The following POLR3E variants were observed in gnomAD, a reference collection of about 807,000 sequenced individuals.
POLR3E encodes the protein RNA polymerase III subunit E.
A neutral mutation model predicts 96.6 loss-of-function variants in POLR3E; 41 were observed. That is an observed-to-expected ratio of 0.42 (90% CI 0.33 to 0.55). POLR3E has a LOEUF of 0.55. Among genes scored for constraint, POLR3E ranks in the 20% least tolerant of loss-of-function variants. The pLI, the probability that POLR3E is intolerant of heterozygous loss-of-function variation, is 0.06. For synonymous variants in POLR3E, 396 were observed against 383.6 expected (o/e 1.03, Z -0.38); for missense variants, 849 against 952.1 (o/e 0.89, Z 1.43).
chr16:22,314,257 G>A, intron 8 of POLR3E, 129 bp downstream of exon 8: 2 of 734,530 alleles, frequency 2.7e-6, no homozygotes, highest in Non-Finnish European at 4.8e-6. Context: ...CTTCTTGCTG[G>A]GCTACCTGGA....
chr16:22,309,550 T>C lies in POLR3E; in HGVS notation c.364+40T>C, dbSNP rs539186177. On this transcript the variant is annotated intron_variant, in intron 6 of 20. Transcript: ENST00000299853. ...GTGTCCCGCGGTGGGGACATGGCAT[T>C]GGGGGGGGCTGGGCAGGGAGAGTAC... The C allele has an allele frequency of 5.9e-6, 6 of 1,025,066 alleles. No homozygotes were observed. In the South Asian group the frequency reaches 7.7e-5, roughly 13 times the overall value. The allele number at this position is 1,025,066 out of a possible 1,614,324, so 63.5% of individuals were successfully genotyped here.
At chr16:22,303,418 A>G (rs568692086) in intron 2 of POLR3E, among the ~76,000 whole-genome samples, 48 of 152,150 alleles carry the variant, frequency 3.2e-4, no homozygotes, top group African/African-American at 8.9e-4. Flanking sequence ...CCCGGCGACT[A>G]TTTGGTGAAT....
chr16:22,316,892 G>A, intron 10 of POLR3E, 103 bp from the exon 11 acceptor site: 2 of 1,267,728 alleles, frequency 1.6e-6, no homozygotes, highest in African/African-American at 1.5e-5. Flanking sequence ...GAGGGCGGGG[G>A]TGGGCTGTCT....
At chr16:22,312,513 T>G (rs746534897) in intron 6 of POLR3E, among the ~76,000 whole-genome samples, 1 of 151,606 alleles carries the variant, frequency 6.6e-6, no homozygotes, top group Non-Finnish European at 1.5e-5. Context: ...ATACATTGAT[T>G]AGTATGCCTT....
intron 9 of POLR3E, among the ~76,000 whole-genome samples, chr16:22,316,148 C>T (rs189142848): frequency 1.4e-4 from 21 of 152,278 alleles, no homozygotes; most frequent in Non-Finnish European, 2.2e-4. Context: ...GGTCAAACTT[C>T]TAGACACTGC....
chr16:22,319,771 A>G (rs1254958717), intron 13 of POLR3E, among the ~76,000 whole-genome samples: 1 of 152,224 alleles, frequency 6.6e-6, no homozygotes, highest in Non-Finnish European at 1.5e-5. Context: ...AAATACATGT[A>G]TACAATGTAA....
rs149735984 is a variant in POLR3E, at chr16:22,307,865, C to T, written c.88-283C>T. The stretch of plus-strand genomic sequence containing the variant: ...GCTCTGTGGGTTCCTGGAGCAGCAG[C>T]GTGCCGGTTTGGGTTCCTGTGTGTA... On this transcript the variant is annotated intron_variant, in intron 3 of 20. Transcript: ENST00000299853. Among the ~76,000 whole-genome samples, 946 of 152,272 alleles carry T rather than the reference C, an allele frequency of 6.2e-3. 3 individuals are homozygous for T. Among genetic ancestry groups the T allele is most frequent in the Middle Eastern group, 0.031 (9 of 294 alleles).
chr16:22,325,449 G>T (rs2048560649), intron 17 of POLR3E, 183 bp downstream of exon 17: 2 of 647,594 alleles, frequency 3.1e-6, no homozygotes, highest in Non-Finnish European at 5.4e-6. Flanking sequence ...CAGCAGCAGA[G>T]CCTCAGGGAC....
chr16:22,309,317 G>A, intron 5 of POLR3E, 111 bp from the exon 6 acceptor site: 1 of 885,708 alleles, frequency 1.1e-6, no homozygotes, highest in Non-Finnish European at 1.9e-6. Flanking sequence ...TGCGGCCTTG[G>A]TCCCTGGCTG....
chr16:22,332,129 T>TTGAC lies in POLR3E; in HGVS notation c.2016_2019dup (p.Gln674AspfsTer10). ...ACGCCGAAACATGATCCAGTCTCGGTTGACTCAAGAGTGTGGAGAAGATCT... is the reference window on the plus strand; with the variant it reads ...ACGCCGAAACATGATCCAGTCTCGGTTGACTGACTCAAGAGTGTGGAGAAGATCT... On this transcript the variant is annotated frameshift_variant, in exon 20 of 21. Transcript: ENST00000299853. LOFTEE classifies it high-confidence loss of function. The TTGAC allele has an allele frequency of 6.2e-7, 1 of 1,613,778 alleles. No individual in the cohort carries two copies. The highest frequency in any genetic ancestry group is 8.5e-7 in the Non-Finnish European group (1 of 1,179,622).
At chr16:22,311,515 G>T (rs1306970325) in intron 6 of POLR3E, among the ~76,000 whole-genome samples, 2 of 150,436 alleles carry the variant, frequency 1.3e-5, no homozygotes, top group Non-Finnish European at 3.0e-5. Context: ...TTTTTTTGGA[G>T]ACCGGGTCTC....
Position 22,334,016 on chromosome 16 carries a change from A to T in POLR3E, c.*316A>T. 3.5e-6 allele frequency: 1 copy of T among 288,012 alleles called. No homozygotes were observed. The highest frequency in any genetic ancestry group is 1.6e-4 in the South Asian group (1 of 6,246). The allele number at this position is 288,012 out of a possible 1,614,324, so 17.8% of individuals were successfully genotyped here. A position where few individuals can be genotyped will look rare whatever the true frequency, so the allele number is the denominator to read the frequency against. ...GAGAGTGTATACTGACATGGGCAGG[A>T]TGATAAAAATCATGGTTTAATATTT... On this transcript the variant is annotated 3_prime_UTR_variant, in exon 21 of 21. Coordinates refer to ENST00000299853, the MANE Select transcript of POLR3E (RefSeq NM_018119.4).
chr16:22,333,400 C>T (rs1289796615), intron 20 of POLR3E, among the ~76,000 whole-genome samples: 2 of 147,928 alleles, frequency 1.4e-5, no homozygotes, highest in Non-Finnish European at 3.0e-5. Context: ...TGCAGTGAGC[C>T]AAGATCATGC....
chr16:22,309,331 C>T, intron 5 of POLR3E, 97 bp from the exon 6 acceptor site: 1 of 957,938 alleles, frequency 1.0e-6, no homozygotes, highest in Admixed American at 1.7e-5. Context: ...CTGGCTGTGG[C>T]ACTTCAGAAA....
Position 22,326,062 on chromosome 16 carries a change from C to A in POLR3E, c.1650C>A (p.Pro550=). ...AGTDSFNGHP[P]QGCASTPVAR... is the part of the protein sequence containing the mutation. ...CAGACAGCTTCAACGGGCACCCGCC[C>A]CAGGGCTGCGCCAGCACCCCTGTGG... Residue 550 remains proline (P), a synonymous_variant, in exon 18 of 21, where the codon CCC becomes CCA. Coordinates refer to ENST00000299853, the MANE Select transcript of POLR3E (RefSeq NM_018119.4). The A allele has an allele frequency of 6.2e-7, 1 of 1,611,242 alleles. No homozygotes were observed. The highest frequency in any genetic ancestry group is 8.5e-7 in the Non-Finnish European group (1 of 1,178,352).
rs550494204 is a variant in POLR3E at position 22,313,617 on chromosome 16, C to T, written c.365-3C>T. ...TGAGTCCAAGCCCTTCTTCCTCCGC[C>T]AGGTGAGCTCCACCTGACACCTTTA... On this transcript the variant is annotated splice_polypyrimidine_tract_variant and splice_region_variant and intron_variant, in intron 6 of 20. Transcript: ENST00000299853. The surrounding 1 kb of genome is among the most constrained non-coding windows in gnomAD (Gnocchi z 4.1). 6.2e-6 allele frequency: 10 copies of T among 1,606,696 alleles called. No individual in the cohort carries two copies. The South Asian group carries it at 7.7e-5, about 12-fold the overall frequency.
chr16:22,312,459 T>C (rs903297948), intron 6 of POLR3E, among the ~76,000 whole-genome samples: 4 of 152,190 alleles, frequency 2.6e-5, no homozygotes, highest in East Asian at 1.9e-4. Flanking sequence ...ATCGCACCAC[T>C]GAATATCCTG....
intron 13 of POLR3E, among the ~76,000 whole-genome samples, chr16:22,319,339 G>A (rs1250792946): frequency 6.6e-6 from 1 of 151,932 alleles, no homozygotes; most frequent in Non-Finnish European, 1.5e-5. Flanking sequence ...AGTGCTTTGG[G>A]TTTAAATCTA....
chr16:22,305,759 T>C (rs967304140), intron 3 of POLR3E, among the ~76,000 whole-genome samples: 3 of 152,206 alleles, frequency 2.0e-5, no homozygotes, highest in Non-Finnish European at 4.4e-5. Flanking sequence ...CTCCCCTTGC[T>C]GCTGGGCCAG....
Sources: allele counts gnomAD v4.1 joint callset (sites outside exome capture counted in the v4.1 genomes callset), GRCh38; gene constraint gnomAD v4.1.1; non-coding constraint Gnocchi (gnomAD v3.1); transcripts MANE v1.5; gene names NCBI Gene and HGNC (gene_info 2026-07-23, HGNC 2026-07-21).